TMEM44: variants seen among roughly 807,000 people sequenced by gnomAD.
The protein encoded by TMEM44 is transmembrane protein 44.
A neutral mutation model predicts 47.8 loss-of-function variants in TMEM44; 43 were observed. The observed-to-expected ratio is 0.90, with a 90% CI of 0.70 to 1.16. The LOEUF is 1.16. TMEM44 is among the 50% of genes most tolerant of loss of function. The probability of loss-of-function intolerance (pLI) is 0.00; values close to 1 mark genes in which losing one functional copy is unlikely to be tolerated. For missense variants in TMEM44, 568 were observed against 555.2 expected (o/e 1.02, Z -0.23); for synonymous variants, 277 against 238.8 (o/e 1.16, Z -1.48).
At chr3:194,627,647 T>C (rs1249012495) in intron 2 of TMEM44, among the ~76,000 whole-genome samples, 1 of 152,098 alleles carries the variant, frequency 6.6e-6, no homozygotes, top group Non-Finnish European at 1.5e-5. Flanking sequence ...TCCTTGCCCT[T>C]GTAGAGCTGA....
At chr3:194,617,785 A>G (rs1443566582) in intron 5 of TMEM44, 1 of 702,282 alleles carries the variant, frequency 1.4e-6, no homozygotes, top group Non-Finnish European at 2.6e-6. Flanking sequence ...GCCTGGTGGG[A>G]GGTGGTTGGG....
rs1371016220 is a variant in TMEM44 at position 194,615,651 on chromosome 3, A to G, written c.830T>C (p.Leu277Ser). Residue 277 changes from leucine to serine, a missense_variant, in exon 7 of 10, where the codon TTA becomes TCA. Leu to Ser is a moderately radical substitution (Grantham distance 145). Transcript: ENST00000347147. ...CTCTCTGGCTTCCTTGGCAAATCCT[A>G]AGGCCTGTCTCATCTTGCTCTTCAT... ...CVMKSKMRQALGFAKEARESP... is the reference protein window; with the variant it reads ...CVMKSKMRQASGFAKEARESP... 1.2e-6 allele frequency: 2 copies of G among 1,614,098 alleles called. No homozygotes were observed. The highest frequency in any genetic ancestry group is 2.2e-5 in the East Asian group (1 of 44,886).
chr3:194,593,347 A>T (rs1475751654), intron 9 of TMEM44, among the ~76,000 whole-genome samples: 2 of 152,254 alleles, frequency 1.3e-5, no homozygotes, highest in African/African-American at 4.8e-5. Context: ...TTTAAAAATT[A>T]CTATTAGTAG....
chr3:194,613,114 G>A (rs949219122), intron 7 of TMEM44, among the ~76,000 whole-genome samples: 9 of 152,144 alleles, frequency 5.9e-5, no homozygotes, highest in Non-Finnish European at 1.3e-4. Context: ...TTAGCCGGTG[G>A]CATGACATAA....
At chr3:194,609,299 A>G (rs111628880) in intron 8 of TMEM44, among the ~76,000 whole-genome samples, 2 of 151,846 alleles carry the variant, frequency 1.3e-5, no homozygotes, top group Non-Finnish European at 2.9e-5. Context: ...GTGCAGAGCG[A>G]GGGGACTGTG....
chr3:194,612,904 T>A (rs186061343), intron 7 of TMEM44, among the ~76,000 whole-genome samples: 1 of 152,102 alleles, frequency 6.6e-6, no homozygotes, highest in South Asian at 2.1e-4. Context: ...CGCCCGCCTC[T>A]GCCTCCCAAA....
intron 8 of TMEM44, among the ~76,000 whole-genome samples, chr3:194,608,271 A>G (rs1714968374): frequency 1.3e-5 from 2 of 152,240 alleles, no homozygotes; most frequent in Non-Finnish European, 1.5e-5. Flanking sequence ...TGCACCCAGT[A>G]TACAAGGAGC....
At chr3:194,609,486 G>A (rs995986163) in intron 8 of TMEM44, among the ~76,000 whole-genome samples, 4 of 152,172 alleles carry the variant, frequency 2.6e-5, no homozygotes, top group Non-Finnish European at 4.4e-5. Flanking sequence ...GCTGGTGGCC[G>A]AGTGCGTGGA....
intron 9 of TMEM44, among the ~76,000 whole-genome samples, chr3:194,591,367 G>A (rs148416324): frequency 0.022 from 3,368 of 152,038 alleles, 45 homozygotes; most frequent in South Asian, 0.052. Flanking sequence ...GGTGACAGGC[G>A]CCTATAATCC....
At chr3:194,596,899 G>C (rs763551041) in intron 9 of TMEM44, 1 of 152,226 alleles carries the variant, frequency 6.6e-6, no homozygotes, top group Admixed American at 6.5e-5. Context: ...CAGACATCCA[G>C]GGGAATATGC....
intron 2 of TMEM44, among the ~76,000 whole-genome samples, chr3:194,626,497 T>C (rs924407169): frequency 1.3e-5 from 2 of 152,144 alleles, no homozygotes; most frequent in Non-Finnish European, 2.9e-5. Flanking sequence ...GGTGAAGAAC[T>C]TGCATTGTGG....
At chr3:194,628,682 G>C (rs1274189399) in intron 1 of TMEM44, among the ~76,000 whole-genome samples, 173 bp from the exon 2 acceptor site, 2 of 152,168 alleles carry the variant, frequency 1.3e-5, no homozygotes, top group Non-Finnish European at 2.9e-5. Context: ...GAAGACTCCA[G>C]AGCCGCCTGT....
Position 194,596,275 on chromosome 3 carries a change from G to C in TMEM44, c.1177-7636C>G, listed in dbSNP as rs142296258. Among the ~76,000 whole-genome samples the C allele has an allele frequency of 2.3e-3, 350 of 152,222 alleles. 3 individuals are homozygous for C. The highest frequency in any genetic ancestry group is 8.1e-3 in the African/African-American group (335 of 41,534). ...AAAGGAGGCAGAGCGCGCCTGCATC[G>C]CAATCAGGAGCTCCTGCCCCAGTCC... On this transcript the variant is annotated intron_variant, in intron 9 of 9. Coordinates refer to ENST00000347147, the MANE Select transcript of TMEM44 (RefSeq NM_001011655.3).
chr3:194,620,984 T>C (rs1716473810), intron 5 of TMEM44, among the ~76,000 whole-genome samples: 2 of 144,894 alleles, frequency 1.4e-5, no homozygotes, highest in Non-Finnish European at 3.0e-5. Context: ...CGAGATTGCA[T>C]CATGCACTCC....
chr3:194,589,867 T>C (rs113252226), intron 9 of TMEM44: 3,231 of 152,158 alleles, frequency 0.021, 54 homozygotes, highest in Non-Finnish European at 0.032. Context: ...TCCCCATGTG[T>C]ATGCTGTGGT....
chr3:194,603,626 G>C (rs1039593679), intron 9 of TMEM44, among the ~76,000 whole-genome samples: 2 of 152,106 alleles, frequency 1.3e-5, no homozygotes, highest in African/African-American at 4.8e-5. Context: ...TTGAACTCCT[G>C]ATCTCAGGTG....
intron 8 of TMEM44, among the ~76,000 whole-genome samples, chr3:194,604,964 AAG>A (rs1417154227): frequency 2.0e-5 from 3 of 152,248 alleles, no homozygotes; most frequent in Non-Finnish European, 4.4e-5. Context: ...TGCTGGATTA[AAG>A]AGAGTATGTA....
At chr3:194,631,561 T>C (rs1193456566) in intron 1 of TMEM44, among the ~76,000 whole-genome samples, 2 of 152,188 alleles carry the variant, frequency 1.3e-5, no homozygotes, top group Non-Finnish European at 2.9e-5. Context: ...GAGTGGAGAT[T>C]CTTAAATTGG....
chr3:194,598,715 A>G (rs1289480953), intron 9 of TMEM44, among the ~76,000 whole-genome samples: 1 of 152,218 alleles, frequency 6.6e-6, no homozygotes, highest in East Asian at 1.9e-4. Context: ...GGCACCACTC[A>G]ATTCTCCACT....
Sources: gnomAD v4.1 joint callset for allele counts (sites outside exome capture counted in the v4.1 genomes callset) on GRCh38, gnomAD v4.1.1 for gene constraint, MANE v1.5 for transcripts, NCBI Gene and HGNC (gene_info 2026-07-23, HGNC 2026-07-21) for gene names.